CCDC12: variants seen among roughly 807,000 people sequenced by gnomAD.
The protein encoded by CCDC12 is coiled-coil domain-containing protein 12.
CCDC12 carries 28 observed loss-of-function variants against 25.7 expected under a neutral mutation model. The ratio of observed to expected loss-of-function variants is 1.09; its 90% CI spans 0.81 to 1.50. The LOEUF (loss-of-function observed/expected upper bound fraction) is 1.50, where lower values mean the gene tolerates loss of function less well. CCDC12 is among the 40% of genes most tolerant of loss of function. CCDC12 has a pLI of 0.00. For synonymous variants in CCDC12, 75 were observed against 87.7 expected (o/e 0.86, Z 0.81); for missense variants, 198 against 210.0 (o/e 0.94, Z 0.35).
At chr3:46,973,124 G>A (rs990687965) in intron 1 of CCDC12, among the ~76,000 whole-genome samples, 13 of 152,068 alleles carry the variant, frequency 8.5e-5, no homozygotes, top group African/African-American at 3.1e-4. Context: ...GGAGGCCGAG[G>A]TGGGTGGATC....
At chr3:46,941,283 CT>C (rs1553648027) in intron 1 of CCDC12, among the ~76,000 whole-genome samples, 2 of 152,022 alleles carry the variant, frequency 1.3e-5, no homozygotes, top group Non-Finnish European at 2.9e-5. Flanking sequence ...TAACTCTTGG[CT>C]GGGCGCGGTG....
upstream of CCDC12, among the ~76,000 whole-genome samples, chr3:46,977,887 T>G (rs1167303172): frequency 6.6e-6 from 1 of 152,240 alleles, no homozygotes; most frequent in Non-Finnish European, 1.5e-5. Flanking sequence ...TGCCAGAGTC[T>G]TCTTTCCTGC....
At chr3:46,973,036 C>T (rs1223645478) in intron 1 of CCDC12, among the ~76,000 whole-genome samples, 2 of 151,628 alleles carry the variant, frequency 1.3e-5, no homozygotes, top group Non-Finnish European at 2.9e-5. Flanking sequence ...CTCCCTTCTC[C>T]TCACCTGACA....
intron 1 of CCDC12, among the ~76,000 whole-genome samples, chr3:46,948,088 A>G (rs1276824080): frequency 6.6e-6 from 1 of 152,236 alleles, no homozygotes; most frequent in Non-Finnish European, 1.5e-5. Flanking sequence ...CATCATCCTT[A>G]TCAGATGTTC....
At chr3:46,937,006 C>G (rs983683267) in intron 2 of CCDC12, among the ~76,000 whole-genome samples, 1 of 152,172 alleles carries the variant, frequency 6.6e-6, no homozygotes, top group South Asian at 2.1e-4. Context: ...AAGAGGAGGG[C>G]GCCCCCTCCA....
chr3:46,977,471 CA>C (rs61340798), upstream of CCDC12, among the ~76,000 whole-genome samples: 267 of 120,244 alleles, frequency 2.2e-3, no homozygotes, highest in African/African-American at 8.4e-3. Flanking sequence ...GACTCCGTCT[CA>C]AAAAAAAAAA....
intron 1 of CCDC12, among the ~76,000 whole-genome samples, chr3:46,956,064 C>G (rs989291578): frequency 2.0e-5 from 3 of 152,242 alleles, no homozygotes; most frequent in Admixed American, 6.5e-5. Context: ...CTGATTGCAT[C>G]AGGCTTTCAA....
In CCDC12 at chr3:46,922,268, T is replaced by C. The variant is rs2107096098; in HGVS notation, c.386A>G (p.Lys129Arg). The C allele has an allele frequency of 6.2e-7, 1 of 1,614,136 alleles. No individual in the cohort carries two copies. Among genetic ancestry groups the C allele is most frequent in the East Asian group, 2.2e-5 (1 of 44,900 alleles). Residue 129 changes from lysine (K) to arginine (R), a missense_variant, in exon 6 of 7, where the codon AAG becomes AGG. By Grantham distance (26) the Lys-to-Arg change is conservative. Transcript: ENST00000683445. ...CTCGGCAATGGCCCTCTGAGTCCGC[T>C]TTTTTAGTTTCTCCAGCTTCTTGGC... ...DVAKKLEKLK[K>R]RTQRAIAELI...
rs1463128303 is a variant in CCDC12 at position 46,923,657 on chromosome 3, C to T, written c.256G>A (p.Val86Met). The T allele has an allele frequency of 6.4e-7, 1 of 1,565,468 alleles. No individual in the cohort carries two copies. The highest frequency in any genetic ancestry group is 8.7e-7 in the Non-Finnish European group (1 of 1,155,686). Residue 86 changes from valine (V) to methionine (M), a missense_variant, in exon 4 of 7, where the codon GTG becomes ATG. Val to Met is a conservative substitution (Grantham distance 21). Transcript: ENST00000683445. ...QAKPVAVEEK[V>M]KEQLEAAKPE... ...TTGGCGGCCTCCAGCTGCTCCTTCACCTTCTCCTCCACTAGAGGGTGCAAT... is the reference window on the plus strand; with the variant it reads ...TTGGCGGCCTCCAGCTGCTCCTTCATCTTCTCCTCCACTAGAGGGTGCAAT...
At chr3:46,957,579 T>G (rs1321339122) in intron 1 of CCDC12, among the ~76,000 whole-genome samples, 1 of 152,176 alleles carries the variant, frequency 6.6e-6, no homozygotes, top group Admixed American at 6.5e-5. Context: ...ACGAAGTGTG[T>G]GGCAGGCCAG....
intron 1 of CCDC12, among the ~76,000 whole-genome samples, chr3:46,943,339 A>T (rs556954873): frequency 1.7e-4 from 26 of 151,928 alleles, no homozygotes; most frequent in African/African-American, 6.3e-4. Context: ...TTCCTTCCCA[A>T]CTCCCAACCA....
At chr3:46,976,501 TCGCGCATGCGTTAGCGCC>T (rs1404036110) in intron 1 of CCDC12, 118 bp downstream of exon 1, 3 of 1,438,598 alleles carry the variant, frequency 2.1e-6, no homozygotes, top group East Asian at 5.1e-5. Context: ...CGCCGTCTTC[TCGCGCATGCGTTAGCGCC>T]CGCGCATGCG....
At chr3:46,923,536 G>T in intron 4 of CCDC12, 71 bp downstream of exon 4, 1 of 1,518,770 alleles carries the variant, frequency 6.6e-7, no homozygotes, top group Non-Finnish European at 9.0e-7. Context: ...GGGGGCAGAG[G>T]GAGAGCAAGT....
At chr3:46,956,661 C>T (rs2034296567) in intron 1 of CCDC12, among the ~76,000 whole-genome samples, 1 of 151,900 alleles carries the variant, frequency 6.6e-6, no homozygotes. Context: ...GTCTCTACCA[C>T]AAAAAAACAC....
chr3:46,949,456 G>A (rs1236587134), intron 1 of CCDC12, among the ~76,000 whole-genome samples: 5 of 152,202 alleles, frequency 3.3e-5, no homozygotes, highest in African/African-American at 4.8e-5. Context: ...CAGACTGGAC[G>A]AGTTCCTCTG....
At chr3:46,936,020 G>A (rs1169012234) in intron 2 of CCDC12, among the ~76,000 whole-genome samples, 1 of 152,192 alleles carries the variant, frequency 6.6e-6, no homozygotes, top group South Asian at 2.1e-4. Context: ...CAGGCAGTGG[G>A]GCAGGAACAC....
intron 1 of CCDC12, among the ~76,000 whole-genome samples, chr3:46,956,831 C>G (rs28756076): frequency 6.6e-6 from 1 of 151,498 alleles, no homozygotes; most frequent in South Asian, 2.1e-4. Context: ...CACCCACCCC[C>G]CCAAAATAAA....
chr3:46,942,767 C>T (rs1396724203), intron 1 of CCDC12, among the ~76,000 whole-genome samples: 1 of 152,182 alleles, frequency 6.6e-6, no homozygotes, highest in African/African-American at 2.4e-5. Context: ...GACCAAGTGA[C>T]AGCAGCTACA....
intron 1 of CCDC12, among the ~76,000 whole-genome samples, chr3:46,967,804 G>A (rs560145299): frequency 6.6e-6 from 1 of 152,296 alleles, no homozygotes; most frequent in African/African-American, 2.4e-5. Flanking sequence ...GGCAGCTAAG[G>A]TTCCAAGGGA....
Sources: allele counts gnomAD v4.1 joint callset (sites outside exome capture counted in the v4.1 genomes callset), GRCh38; gene constraint gnomAD v4.1.1; transcripts MANE v1.5; gene names NCBI Gene and HGNC (gene_info 2026-07-23, HGNC 2026-07-21).